TRHR: variants seen among roughly 807,000 people sequenced by gnomAD.
TRHR encodes thyrotropin-releasing hormone receptor.
A neutral mutation model predicts 28.0 loss-of-function variants in TRHR; 14 were observed. The ratio of observed to expected loss-of-function variants is 0.50; its 90% confidence interval spans 0.33 to 0.78. The LOEUF (loss-of-function observed/expected upper bound fraction) is 0.78, where lower values mean the gene tolerates loss of function less well. Among genes scored for constraint, TRHR ranks in the 30% least tolerant of loss-of-function variants. The pLI is 0.02. For missense variants in TRHR, 438 were observed against 469.5 expected (o/e 0.93, Z 0.62); for synonymous variants, 176 against 171.9 (o/e 1.02, Z -0.18).
intron 2 of TRHR, among the ~76,000 whole-genome samples, chr8:109,093,921 G>T (rs1182525220): frequency 1.3e-5 from 2 of 151,602 alleles, no homozygotes; most frequent in African/African-American, 4.8e-5. Flanking sequence ...GGAACTTGGG[G>T]TATTAGTTTG....
intron 2 of TRHR, among the ~76,000 whole-genome samples, chr8:109,101,428 A>T (rs903863314): frequency 1.3e-5 from 2 of 152,158 alleles, no homozygotes; most frequent in Non-Finnish European, 2.9e-5. Flanking sequence ...TTGGCTGCAG[A>T]CTATGTGACG....
intron 2 of TRHR, among the ~76,000 whole-genome samples, chr8:109,094,066 G>A (rs1315093802): frequency 6.6e-6 from 1 of 152,094 alleles, no homozygotes; most frequent in African/African-American, 2.4e-5. Context: ...GTAAGCAGCT[G>A]CCAGCTCCAC....
At chr8:109,113,370 G>C (rs1279829384) in intron 2 of TRHR, among the ~76,000 whole-genome samples, 1 of 152,042 alleles carries the variant, frequency 6.6e-6, no homozygotes, top group Non-Finnish European at 1.5e-5. Context: ...CTAACCATGA[G>C]AAAAACATCA....
In TRHR at chr8:109,119,522, G is replaced by T; in HGVS notation, c.*67G>T. 2 of 1,564,246 alleles carry T rather than the reference G, an allele frequency of 1.3e-6. No individual in the cohort carries two copies. The highest frequency in any genetic ancestry group is 4.5e-5 in the East Asian group (2 of 44,386). On this transcript the variant is annotated 3_prime_UTR_variant, in exon 3 of 3. Transcript: ENST00000518632. The stretch of plus-strand genomic sequence containing the variant: ...TCTGTGCAGTCATCAACAAAAGGGA[G>T]AACATGGCCAATAGTCATATGTGAA...
At chr8:109,114,502 G>C (rs1436471470) in intron 2 of TRHR, among the ~76,000 whole-genome samples, 1 of 151,998 alleles carries the variant, frequency 6.6e-6, no homozygotes, top group Non-Finnish European at 1.5e-5. Flanking sequence ...ACTCCACGGA[G>C]TGTGACATCA....
chr8:109,103,571 C>T (rs528015094), intron 2 of TRHR, among the ~76,000 whole-genome samples: 166 of 152,224 alleles, frequency 1.1e-3, no homozygotes, highest in African/African-American at 3.7e-3. Flanking sequence ...GCCAGAAAGC[C>T]TTTCTCTATC....
At chr8:109,118,474 G>T (rs1352305471) in intron 2 of TRHR, among the ~76,000 whole-genome samples, 1 of 151,856 alleles carries the variant, frequency 6.6e-6, no homozygotes, top group African/African-American at 2.4e-5. Context: ...GAAAGGATTT[G>T]ACCCTAAGTC....
chr8:109,119,296 T>A lies in TRHR; in HGVS notation c.1038T>A (p.Ala346=). 6.2e-7 allele frequency: 1 copy of A among 1,612,720 alleles called. No homozygotes were observed. Among genetic ancestry groups the A allele is most frequent in the Non-Finnish European group, 8.5e-7 (1 of 1,179,210 alleles). Residue 346 remains alanine (A), a synonymous_variant, in exon 3 of 3, where the codon GCT becomes GCA. Transcript: ENST00000518632. ...AGCAGAAGCCAACAGAGAAACCTGC[T>A]AACTACAGTGTGGCCCTAAATTACA... ...NCKQKPTEKP[A]NYSVALNYSV... is the part of the protein sequence containing the mutation.
In TRHR at chr8:109,090,963, T is replaced by G. The variant is rs549893345; in HGVS notation, c.789+2662T>G. 5.5e-4 allele frequency among the ~76,000 whole-genome samples: 83 copies of G among 150,418 alleles called. 1 individual carries two copies. The highest frequency in any genetic ancestry group is 3.4e-3 in the Middle Eastern group (1 of 294). On this transcript the variant is annotated intron_variant, in intron 2 of 2. Transcript: ENST00000518632. ...AAAGAGACAGAGAGACAGAGAAGGC[T>G]GTGGAGGATCCAGACAATCAGGCAA...
intron 2 of TRHR, among the ~76,000 whole-genome samples, chr8:109,105,787 G>A (rs773672328): frequency 1.7e-4 from 26 of 152,202 alleles, no homozygotes; most frequent in Non-Finnish European, 3.4e-4. Context: ...AAAAAGCCAT[G>A]CCTGTTCCCT....
At chr8:109,096,079 G>A (rs1018105585) in intron 2 of TRHR, among the ~76,000 whole-genome samples, 3 of 152,112 alleles carry the variant, frequency 2.0e-5, no homozygotes, top group African/African-American at 2.4e-5. Context: ...ACTCCCCTGA[G>A]CACTGGAATT....
At chr8:109,093,731 T>C (rs1473041961) in intron 2 of TRHR, among the ~76,000 whole-genome samples, 1 of 151,960 alleles carries the variant, frequency 6.6e-6, no homozygotes, top group East Asian at 1.9e-4. Flanking sequence ...ATACATGTTT[T>C]GGGGTATGAA....
At chr8:109,106,423 C>T (rs1037742185) in intron 2 of TRHR, among the ~76,000 whole-genome samples, 1 of 152,120 alleles carries the variant, frequency 6.6e-6, no homozygotes, top group Admixed American at 6.6e-5. Context: ...AGGAAATAAA[C>T]TTAGCATAAA....
Position 109,119,120 on chromosome 8 carries a change from G to T in TRHR, c.862G>T (p.Val288Phe). 6.2e-7 allele frequency: 1 copy of T among 1,612,892 alleles called. No homozygotes were observed. The highest frequency in any genetic ancestry group is 1.1e-5 in the South Asian group (1 of 91,048). The change falls in exon 3 of 3, where the codon GTC becomes TTC. Residue 288 changes from valine to phenylalanine, a missense_variant. Transcript: ENST00000518632. The stretch of plus-strand genomic sequence containing the variant: ...GATGCCCTACAGGACTCTAGTGGTT[G>T]TCAACTCATTTCTCTCCAGTCCTTT... The part of the protein sequence containing the change: ...LWMPYRTLVV[V>F]NSFLSSPFQE...
chr8:109,118,864 T>C (rs1345198098), intron 2 of TRHR, among the ~76,000 whole-genome samples, 184 bp from the exon 3 acceptor site: 2 of 151,838 alleles, frequency 1.3e-5, no homozygotes, highest in East Asian at 3.9e-4. Context: ...TTTCCTTGTC[T>C]ATAGCATTCT....
chr8:109,114,057 G>A (rs573769308), intron 2 of TRHR, among the ~76,000 whole-genome samples: 8 of 152,180 alleles, frequency 5.3e-5, no homozygotes, highest in East Asian at 3.9e-4. Flanking sequence ...ACAAAAGGGC[G>A]TGTTGAGAAG....
chr8:109,099,958 A>G (rs1170639321), intron 2 of TRHR, among the ~76,000 whole-genome samples: 1 of 152,164 alleles, frequency 6.6e-6, no homozygotes, highest in African/African-American at 2.4e-5. Context: ...GAAGTGGCTC[A>G]GTGAGAGAGG....
At chr8:109,113,138 C>T (rs1432050033) in intron 2 of TRHR, among the ~76,000 whole-genome samples, 1 of 151,982 alleles carries the variant, frequency 6.6e-6, no homozygotes, top group African/African-American at 2.4e-5. Context: ...ATGAGGCCAC[C>T]CCCACACTGT....
chr8:109,106,879 G>A (rs1201049126), intron 2 of TRHR, among the ~76,000 whole-genome samples: 2 of 152,096 alleles, frequency 1.3e-5, no homozygotes, highest in African/African-American at 4.8e-5. Flanking sequence ...GCAGGTAAAG[G>A]AGTGGAAACC....
Sources: gnomAD v4.1 joint callset for allele counts (sites outside exome capture counted in the v4.1 genomes callset) on GRCh38, gnomAD v4.1.1 for gene constraint, MANE v1.5 for transcripts, NCBI Gene and HGNC (gene_info 2026-07-23, HGNC 2026-07-21) for gene names.